Variants in SH3RF2 observed in about 807,000 individuals in gnomAD.
SH3RF2 encodes the protein SH3 domain containing ring finger 2.
A neutral mutation model predicts 59.0 loss-of-function variants in SH3RF2; 43 were observed. That is an observed-to-expected ratio of 0.73 (90% CI 0.57 to 0.94). The LOEUF (loss-of-function observed/expected upper bound fraction) is 0.94, where lower values mean the gene tolerates loss of function less well. Ranked by LOEUF, SH3RF2 falls within the 40% of genes least tolerant of loss-of-function variation. SH3RF2 has a pLI of 0.00. For synonymous variants in SH3RF2, 391 were observed against 391.5 expected, an observed-to-expected ratio of 1.00 and a Z score of 0.01; for missense variants, 930 against 940.1, an observed-to-expected ratio of 0.99 and a Z score of 0.14.
At chr5:145,972,784 T>A (rs764752853) in intron 2 of SH3RF2, among the ~76,000 whole-genome samples, 9 of 152,168 alleles carry the variant, frequency 5.9e-5, no homozygotes, top group Admixed American at 2.6e-4. Context: ...TATGGCTTAT[T>A]TGGTAAAAGG....
chr5:146,023,269 C>T (rs1376610456), intron 5 of SH3RF2, among the ~76,000 whole-genome samples: 3 of 152,008 alleles, frequency 2.0e-5, no homozygotes, highest in South Asian at 4.2e-4. Context: ...AGTGTAGTGG[C>T]ATGATCTTGG....
At chr5:146,024,519 C>T (rs1761457512) in intron 5 of SH3RF2, among the ~76,000 whole-genome samples, 1 of 152,112 alleles carries the variant, frequency 6.6e-6, no homozygotes, top group Non-Finnish European at 1.5e-5. Context: ...CTGCGTGTTG[C>T]CTTTTCACTT....
chr5:146,006,365 G>A (rs1027671180), intron 4 of SH3RF2, among the ~76,000 whole-genome samples: 1 of 152,088 alleles, frequency 6.6e-6, no homozygotes, highest in Non-Finnish European at 1.5e-5. Flanking sequence ...TGGCTACAGT[G>A]AGCCGTGATT....
intron 7 of SH3RF2, among the ~76,000 whole-genome samples, chr5:146,050,439 C>A (rs368623269): frequency 1.3e-5 from 2 of 152,104 alleles, no homozygotes; most frequent in East Asian, 3.9e-4. Flanking sequence ...CCTGAGTCCT[C>A]ATAGATCTAA....
In SH3RF2 at chr5:145,938,186, C is replaced by T. The variant is rs1757673698; in HGVS notation, c.258C>T (p.Gly86=). The T allele has an allele frequency of 6.2e-7, 1 of 1,613,994 alleles. No individual in the cohort carries two copies. ...CAGGGCAGAGCTCCGGGAGAGGGGG[C>T]TCCTTCCGCAGGCCTGGCACGATGA... ...VRSGQSSGRG[G]SFRRPGTMTL... The change falls in exon 2 of 10, where the codon GGC becomes GGT. Residue 86 remains glycine (G), a synonymous_variant. Transcript: ENST00000359120.
intron 5 of SH3RF2, among the ~76,000 whole-genome samples, chr5:146,044,139 G>GT (rs1184747239): frequency 5.1e-4 from 75 of 147,244 alleles, no homozygotes; most frequent in Middle Eastern, 3.6e-3. Context: ...GTCCGTTTTT[G>GT]TTTTTTTTTG....
intron 5 of SH3RF2, among the ~76,000 whole-genome samples, chr5:146,040,062 G>T (rs1370245372): frequency 6.6e-6 from 1 of 152,216 alleles, no homozygotes; most frequent in African/African-American, 2.4e-5. Context: ...ATATGCCAAG[G>T]TGGTAACAAC....
chr5:146,060,640 G>C (rs955554783), intron 9 of SH3RF2, among the ~76,000 whole-genome samples: 1 of 152,182 alleles, frequency 6.6e-6, no homozygotes, highest in Non-Finnish European at 1.5e-5. Flanking sequence ...AAGAGTAATG[G>C]CCACACAGTA....
In SH3RF2 at chr5:145,970,964, A is replaced by C. The variant is rs191296691; in HGVS notation, c.379-29094A>C. Among the ~76,000 whole-genome samples the C allele has an allele frequency of 1.5e-3, 231 of 152,298 alleles. 1 individual carries two copies. Among genetic ancestry groups the C allele is most frequent in the South Asian group, 2.7e-3 (13 of 4,828 alleles). ...AATGGAGTAAAGCAACCTCTTTATG[A>C]AACTTTGAGTCATTTGGGGGTCATA... On this transcript the variant is annotated intron_variant, in intron 2 of 9. Coordinates refer to ENST00000359120, the MANE Select transcript of SH3RF2 (RefSeq NM_152550.4).
intron 9 of SH3RF2, among the ~76,000 whole-genome samples, chr5:146,069,240 C>T (rs1163755006): frequency 2.0e-5 from 3 of 152,274 alleles, no homozygotes; most frequent in East Asian, 1.9e-4. Flanking sequence ...GATGCGCCAA[C>T]ATGTCTGGTT....
At chr5:146,056,710 G>T (rs1762683895) in intron 8 of SH3RF2, among the ~76,000 whole-genome samples, 1 of 152,140 alleles carries the variant, frequency 6.6e-6, no homozygotes, top group Non-Finnish European at 1.5e-5. Flanking sequence ...TTTTAAAAAG[G>T]TTTACAGTAT....
At chr5:145,997,850 C>T (rs1034946568) in intron 2 of SH3RF2, 14 of 1,247,384 alleles carry the variant, frequency 1.1e-5, no homozygotes, top group Middle Eastern at 1.9e-4. Flanking sequence ...AAACAACTCA[C>T]ATCTTGAAAT....
rs1202181482 is a variant in SH3RF2, at chr5:146,063,207, C to T, written c.*506C>T. ...CTTTTTCCCTCTGTAAAGTCATAATCCTGGCTGCAAAGGGAGGATTTCTGC... is the reference window on the plus strand; with the variant it reads ...CTTTTTCCCTCTGTAAAGTCATAATTCTGGCTGCAAAGGGAGGATTTCTGC... On this transcript the variant is annotated 3_prime_UTR_variant, in exon 10 of 10. Transcript: ENST00000359120. The T allele has an allele frequency of 6.5e-6, 1 of 153,422 alleles. No individual in the cohort carries two copies. The highest frequency in any genetic ancestry group is 2.4e-5 in the African/African-American group (1 of 41,442). 9.5% of individuals were successfully genotyped at this position (153,422 alleles called of 1,614,324 possible).
chr5:146,060,570 G>C (rs752237573), intron 9 of SH3RF2, among the ~76,000 whole-genome samples: 4 of 152,048 alleles, frequency 2.6e-5, no homozygotes, highest in Non-Finnish European at 4.4e-5. Context: ...GGTGACTTTG[G>C]TCAAAATACT....
chr5:145,940,408 C>T lies in SH3RF2; in HGVS notation c.378+2102C>T, dbSNP rs554187853. ...GCTGCTGTTCTGCAACGTGCCTCTG[C>T]TCCCAAAAATATTACCTATCTTTTT... On this transcript the variant is annotated intron_variant, in intron 2 of 9. Transcript: ENST00000359120. Among the ~76,000 whole-genome samples, 33 of 152,316 alleles carry T rather than the reference C, an allele frequency of 2.2e-4. No homozygotes were observed. In the South Asian group the frequency reaches 5.4e-3, roughly 25 times the overall value.
intron 5 of SH3RF2, among the ~76,000 whole-genome samples, chr5:146,035,847 G>C (rs1039946960): frequency 6.6e-6 from 1 of 152,166 alleles, no homozygotes; most frequent in Non-Finnish European, 1.5e-5. Context: ...GCCTGGGGTA[G>C]GACAGATAGT....
At chr5:146,004,212 C>G (rs1760540859) in intron 4 of SH3RF2, 59 bp downstream of exon 4, 3 of 1,384,498 alleles carry the variant, frequency 2.2e-6, no homozygotes, top group South Asian at 2.4e-5. Flanking sequence ...TCATGTGCTA[C>G]AGTGATGCCT....
intron 2 of SH3RF2, among the ~76,000 whole-genome samples, chr5:145,980,238 C>G (rs551798815): frequency 1.7e-4 from 26 of 152,160 alleles, no homozygotes; most frequent in South Asian, 4.1e-4. Context: ...GACACCCACA[C>G]GTAACGAGGC....
chr5:145,993,717 G>A (rs912802941), intron 2 of SH3RF2, among the ~76,000 whole-genome samples: 2 of 152,212 alleles, frequency 1.3e-5, no homozygotes, highest in Admixed American at 1.3e-4. Flanking sequence ...CGGGGACCCT[G>A]GGCCCGGCCC....
Sources: gnomAD v4.1 joint callset for allele counts (sites outside exome capture counted in the v4.1 genomes callset) on GRCh38, gnomAD v4.1.1 for gene constraint, MANE v1.5 for transcripts, NCBI Gene and HGNC (gene_info 2026-07-23, HGNC 2026-07-21) for gene names.